The following HECW1 variants were observed in gnomAD, a reference collection of about 807,000 sequenced individuals.
The protein encoded by HECW1 is E3 ubiquitin-protein ligase HECW1.
A neutral mutation model predicts 182.3 loss-of-function variants in HECW1; 61 were observed. The observed-to-expected ratio is 0.33, with a 90% confidence interval of 0.27 to 0.41. The LOEUF (loss-of-function observed/expected upper bound fraction) is 0.41, where lower values mean the gene tolerates loss of function less well. HECW1 is among the 10% of genes least tolerant of loss of function. The probability of loss-of-function intolerance (pLI) is 1.00; values close to 1 mark genes in which losing one functional copy is unlikely to be tolerated. For synonymous variants in HECW1, 859 were observed against 832.6 expected, an observed-to-expected ratio of 1.03 and a Z score of -0.55; for missense variants, 1,739 against 2,108.9, an observed-to-expected ratio of 0.82 and a Z score of 3.44.
At chr7:43,495,884 C>A (rs1256547535) in intron 19 of HECW1, among the ~76,000 whole-genome samples, 1 of 152,118 alleles carries the variant, frequency 6.6e-6, no homozygotes, top group South Asian at 2.1e-4. Context: ...ACATTCTTTA[C>A]GTTACTGATT....
At chr7:43,262,425 A>T (rs181186369) in intron 3 of HECW1, among the ~76,000 whole-genome samples, 164 of 152,300 alleles carry the variant, frequency 1.1e-3, no homozygotes, top group Middle Eastern at 6.8e-3. Context: ...TTCACATATG[A>T]TGAAACTGAG....
intron 3 of HECW1, among the ~76,000 whole-genome samples, chr7:43,304,115 T>C (rs1002136894): frequency 2.0e-5 from 3 of 152,264 alleles, no homozygotes; most frequent in Middle Eastern, 3.4e-3. Flanking sequence ...GTGCCTGCCA[T>C]TGGGTTGGGT....
intron 28 of HECW1, among the ~76,000 whole-genome samples, chr7:43,553,713 C>T (rs532852928): frequency 6.6e-6 from 1 of 151,872 alleles, no homozygotes; most frequent in South Asian, 2.1e-4. Context: ...GTTAAGGCCC[C>T]ATAACACCCC....
intron 26 of HECW1, among the ~76,000 whole-genome samples, chr7:43,547,005 G>A (rs2081592143): frequency 6.6e-6 from 1 of 152,104 alleles, no homozygotes. Context: ...TTTCTTAATG[G>A]TGTCTGGGAA....
intron 29 of HECW1, among the ~76,000 whole-genome samples, chr7:43,561,277 C>A (rs372160236): frequency 7.9e-5 from 12 of 152,170 alleles, no homozygotes; most frequent in African/African-American, 2.7e-4. Flanking sequence ...AAATGCAGCA[C>A]TTCGACTTTA....
intron 2 of HECW1, among the ~76,000 whole-genome samples, chr7:43,129,773 C>T (rs989399520): frequency 1.3e-5 from 2 of 152,054 alleles, no homozygotes; most frequent in Non-Finnish European, 2.9e-5. Context: ...CCTGTGAATA[C>T]CAAAATCCAC....
chr7:43,113,878 G>T (rs1210596640), intron 1 of HECW1: 1 of 249,334 alleles, frequency 4.0e-6, no homozygotes, highest in Non-Finnish European at 7.8e-6. Flanking sequence ...CGGTGTCTCT[G>T]TCTTGCACAC....
In HECW1 at chr7:43,544,905, T is replaced by C. The variant is rs550818305; in HGVS notation, c.4248+2907T>C. ...ATTGGCATGAAAAATGTCTAAGATATAGTTTTAAGAGAAAAAGGATAGTGA... is the reference window on the plus strand; with the variant it reads ...ATTGGCATGAAAAATGTCTAAGATACAGTTTTAAGAGAAAAAGGATAGTGA... On this transcript the variant is annotated intron_variant, in intron 26 of 29. Coordinates refer to ENST00000395891, the MANE Select transcript of HECW1 (RefSeq NM_015052.5). 2.1e-3 allele frequency among the ~76,000 whole-genome samples: 322 copies of C among 152,246 alleles called. 4 individuals are homozygous for C. Among genetic ancestry groups the C allele is most frequent in the African/African-American group, 7.5e-3 (312 of 41,540 alleles).
At chr7:43,417,090 G>A (rs192103899) in intron 8 of HECW1, among the ~76,000 whole-genome samples, 5 of 152,188 alleles carry the variant, frequency 3.3e-5, no homozygotes, top group South Asian at 2.1e-4. Flanking sequence ...CACTCTGGTC[G>A]CCCAGGCTGG....
chr7:43,481,830 C>T (rs781065082), intron 17 of HECW1, among the ~76,000 whole-genome samples: 3 of 151,740 alleles, frequency 2.0e-5, no homozygotes, highest in Non-Finnish European at 1.5e-5. Context: ...TAAAATAATA[C>T]AAAAAATTAG....
intron 6 of HECW1, among the ~76,000 whole-genome samples, chr7:43,378,355 C>T (rs2074408410): frequency 6.6e-6 from 1 of 152,222 alleles, no homozygotes. Context: ...TAGGATTATT[C>T]AAGAGCAGGA....
At chr7:43,541,332 C>T in intron 25 of HECW1, 71 bp downstream of exon 25, 2 of 1,158,042 alleles carry the variant, frequency 1.7e-6, no homozygotes, top group South Asian at 2.4e-5. Flanking sequence ...CTCTCTGGTG[C>T]CACTGACCCT....
chr7:43,450,369 G>A lies in HECW1; in HGVS notation c.2399-459G>A, dbSNP rs549602435. Among the ~76,000 whole-genome samples the A allele has an allele frequency of 3.9e-5, 6 of 151,998 alleles. No individual in the cohort carries two copies. In the South Asian group the frequency reaches 6.2e-4, roughly 16 times the overall value. ...TCAAAAATCTGAAAAACAGCCTTTC[G>A]GCAGCCCTGTGATGAAACCTATCCA... On this transcript the variant is annotated intron_variant, in intron 11 of 29. Transcript: ENST00000395891.
intron 3 of HECW1, among the ~76,000 whole-genome samples, chr7:43,266,222 TAGGGACCTA>T (rs1285111586): frequency 2.6e-5 from 4 of 152,180 alleles, no homozygotes; most frequent in African/African-American, 4.8e-5. Context: ...TGAAGCTGTC[TAGGGACCTA>T]CCAAGAGCTA....
rs758013308 is a variant in HECW1, at chr7:43,114,319, C to T, written c.-104C>T. ...TTAAAGACCCCGGCAGTGTTGTGGT[C>T]CAAGGCGTCTCAAAGCAGGTGGCCA... On this transcript the variant is annotated 5_prime_UTR_variant, in exon 2 of 30. Transcript: ENST00000395891. 3 of 1,361,842 alleles carry T rather than the reference C, an allele frequency of 2.2e-6. No homozygotes were observed. The South Asian group carries it at 3.7e-5, about 17-fold the overall frequency. The allele number at this position is 1,361,842 out of a possible 1,614,324, so 84.4% of individuals were successfully genotyped here. A position where few individuals can be genotyped will look rare whatever the true frequency, so the allele number is the denominator to read the frequency against.
chr7:43,349,457 G>A (rs35966500), intron 5 of HECW1, among the ~76,000 whole-genome samples: 1 of 152,086 alleles, frequency 6.6e-6, no homozygotes, highest in African/African-American at 2.4e-5. Flanking sequence ...GTGAAGTATT[G>A]AAGTTCCCCC....
chr7:43,455,524 A>G (rs1315676970), intron 12 of HECW1, among the ~76,000 whole-genome samples: 1 of 152,224 alleles, frequency 6.6e-6, no homozygotes, highest in African/African-American at 2.4e-5. Context: ...TAGCAAAGAA[A>G]GCATTCTCCA....
intron 3 of HECW1, chr7:43,245,657 A>G (rs1799316057): frequency 6.6e-6 from 1 of 152,248 alleles, no homozygotes; most frequent in South Asian, 2.1e-4. Context: ...AAGGCCAAGT[A>G]TTCTCCCCTG....
intron 19 of HECW1, among the ~76,000 whole-genome samples, chr7:43,494,884 A>G (rs902659299): frequency 2.6e-5 from 4 of 152,044 alleles, no homozygotes; most frequent in Non-Finnish European, 2.9e-5. Flanking sequence ...TCCATCCTGC[A>G]CTAAGCTTTT....
Sources: allele counts gnomAD v4.1 joint callset (sites outside exome capture counted in the v4.1 genomes callset), GRCh38; gene constraint gnomAD v4.1.1; transcripts MANE v1.5; gene names NCBI Gene and HGNC (gene_info 2026-07-23, HGNC 2026-07-21).